Variants in NRG3 observed in about 807,000 individuals in gnomAD.
NRG3 encodes the protein neuregulin 3, also known as pro-neuregulin-3, membrane-bound isoform.
Under a neutral mutation model 66.9 loss-of-function variants are expected in NRG3, and 31 were observed. That is an observed-to-expected ratio of 0.46 (90% CI 0.35 to 0.63). The LOEUF (loss-of-function observed/expected upper bound fraction) is 0.63, where lower values mean the gene tolerates loss of function less well. Among genes scored for constraint, NRG3 ranks in the 20% least tolerant of loss-of-function variants. NRG3 has a pLI of 0.00. For synonymous variants in NRG3, 393 were observed against 359.4 expected (o/e 1.09, Z -1.06); for missense variants, 910 against 878.9 (o/e 1.04, Z -0.45).
rs1164128032 is a variant in NRG3 at position 82,648,228 on chromosome 10, G to A, written c.954-90349G>A. ...AGTTTCAGCTTTCTACATATGGCTA[G>A]CCAGTTTTCCCAGCACCATTTATTA... On this transcript the variant is annotated intron_variant, in intron 2 of 8. Coordinates refer to ENST00000372141, the MANE Select transcript of NRG3 (RefSeq NM_001010848.4). Among the ~76,000 whole-genome samples the A allele has an allele frequency of 2.0e-5, 3 of 152,102 alleles. No homozygotes were observed. In the East Asian group the frequency reaches 5.8e-4, roughly 29 times the overall value.
At chr10:82,173,674 A>AACACACACACACACACACAC (rs3037392) in intron 1 of NRG3, among the ~76,000 whole-genome samples, 72 of 146,618 alleles carry the variant, frequency 4.9e-4, no homozygotes, top group Non-Finnish European at 8.3e-4. Context: ...TGCATATGTG[A>AACACACACACACACACACAC]ACACACACAC....
chr10:82,212,047 A>G (rs1048942663), intron 1 of NRG3, among the ~76,000 whole-genome samples: 1 of 152,126 alleles, frequency 6.6e-6, no homozygotes, highest in African/African-American at 2.4e-5. Context: ...ACCTCCCTAC[A>G]TTTACGAGTT....
chr10:82,478,028 A>C (rs2132117243), intron 2 of NRG3, among the ~76,000 whole-genome samples: 1 of 152,270 alleles, frequency 6.6e-6, no homozygotes, highest in African/African-American at 2.4e-5. Context: ...CTGGGATTTG[A>C]AGAATACATT....
chr10:82,200,474 A>G (rs916613775), intron 1 of NRG3, among the ~76,000 whole-genome samples: 3 of 152,326 alleles, frequency 2.0e-5, no homozygotes, highest in African/African-American at 7.2e-5. Context: ...GACTAGGATG[A>G]GGACCATGTG....
At chr10:82,177,780 A>C (rs2073140353) in intron 1 of NRG3, among the ~76,000 whole-genome samples, 1 of 152,164 alleles carries the variant, frequency 6.6e-6, no homozygotes, top group South Asian at 2.1e-4. Context: ...CTTGTTATTA[A>C]ACATGAACAA....
intron 1 of NRG3, among the ~76,000 whole-genome samples, chr10:81,880,586 C>T (rs1477399460): frequency 6.6e-6 from 1 of 152,130 alleles, no homozygotes; most frequent in African/African-American, 2.4e-5. Context: ...CCCTTCCTCC[C>T]CTTTGTACAC....
intron 2 of NRG3, among the ~76,000 whole-genome samples, chr10:82,509,969 A>G (rs1352236259): frequency 6.6e-6 from 1 of 152,080 alleles, no homozygotes; most frequent in Non-Finnish European, 1.5e-5. Context: ...TTTCTCGCAG[A>G]CAAGGTTACT....
At chr10:82,802,664 A>T (rs903202979) in intron 3 of NRG3, among the ~76,000 whole-genome samples, 1 of 151,586 alleles carries the variant, frequency 6.6e-6, no homozygotes, top group Non-Finnish European at 1.5e-5. Context: ...TTTTTTTTAA[A>T]TTTTTTGAGA....
At chr10:82,959,806 C>T (rs1850434118) in intron 6 of NRG3, among the ~76,000 whole-genome samples, 1 of 152,206 alleles carries the variant, frequency 6.6e-6, no homozygotes, top group South Asian at 2.1e-4. Flanking sequence ...TAAATGCAAA[C>T]TCTTTGCCTC....
At chr10:82,037,339 T>A (rs11192244) in intron 1 of NRG3, among the ~76,000 whole-genome samples, 88 of 152,220 alleles carry the variant, frequency 5.8e-4, no homozygotes, top group Non-Finnish European at 1.1e-3. Context: ...CAGGGCAGAA[T>A]GTGGAGCTCA....
At chr10:82,097,387 C>CACACAT (rs2066412515) in intron 1 of NRG3, among the ~76,000 whole-genome samples, 1 of 146,766 alleles carries the variant, frequency 6.8e-6, no homozygotes, top group African/African-American at 2.5e-5. Flanking sequence ...CACACACACA[C>CACACAT]ACACACACAC....
At chr10:82,518,205 T>C (rs890320790) in intron 2 of NRG3, among the ~76,000 whole-genome samples, 1 of 152,198 alleles carries the variant, frequency 6.6e-6, no homozygotes, top group African/African-American at 2.4e-5. Flanking sequence ...AATTATCCAA[T>C]TGTGTTTTAA....
chr10:82,308,959 A>G (rs531808054), intron 1 of NRG3, among the ~76,000 whole-genome samples: 10 of 152,346 alleles, frequency 6.6e-5, no homozygotes, highest in Middle Eastern at 3.4e-3. Context: ...AGCCTAAGGT[A>G]TAAACAAGAC....
At chr10:82,015,285 A>G (rs182113569) in intron 1 of NRG3, among the ~76,000 whole-genome samples, 26 of 152,306 alleles carry the variant, frequency 1.7e-4, no homozygotes, top group Middle Eastern at 3.4e-3. Flanking sequence ...CCTTTGGAAC[A>G]TGTAATGTAT....
Position 81,923,018 on chromosome 10 carries a change from G to A in NRG3, c.823+46855G>A, listed in dbSNP as rs190997821. On this transcript the variant is annotated intron_variant, in intron 1 of 8. Coordinates refer to ENST00000372141, the MANE Select transcript of NRG3 (RefSeq NM_001010848.4). ...CACCTGCAAAATGTTTTCAGTGGTG[G>A]TTACAGATTTTCTAATGCCTCTAGT... Among the ~76,000 whole-genome samples the A allele has an allele frequency of 1.2e-3, 176 of 152,218 alleles. 1 individual carries two copies. The highest frequency in any genetic ancestry group is 0.01 in the Middle Eastern group (3 of 292).
chr10:82,320,056 GT>G (rs2081486248), intron 1 of NRG3, among the ~76,000 whole-genome samples: 1 of 152,144 alleles, frequency 6.6e-6, no homozygotes, highest in Non-Finnish European at 1.5e-5. Context: ...CTGATATTTC[GT>G]GTGTCATCTA....
chr10:82,346,019 A>G lies in NRG3; in HGVS notation c.824-12720A>G, dbSNP rs2082998152. On this transcript the variant is annotated intron_variant, in intron 1 of 8. Transcript: ENST00000372141. ...ATCATGTCATCTGCAAACAGGGACA[A>G]TTTGATTTCCTCTTTTCCTAATTGA... 2.0e-5 allele frequency among the ~76,000 whole-genome samples: 3 copies of G among 152,036 alleles called. 1 individual carries two copies. In the South Asian group the frequency reaches 6.2e-4, roughly 31 times the overall value.
rs147460049 is a variant in NRG3 at position 82,487,092 on chromosome 10, A to G, written c.953+128224A>G. 3.5e-3 allele frequency among the ~76,000 whole-genome samples: 512 copies of G among 148,184 alleles called. 2 individuals carry two copies. The highest frequency in any genetic ancestry group is 5.9e-3 in the Non-Finnish European group (394 of 67,272). ...TATATGTATATATAATACACTATATATATCTATTATATAGATATATCTATT... is the reference window on the plus strand; with the variant it reads ...TATATGTATATATAATACACTATATGTATCTATTATATAGATATATCTATT... On this transcript the variant is annotated intron_variant, in intron 2 of 8. Transcript: ENST00000372141.
At chr10:82,377,624 C>T (rs1209725654) in intron 2 of NRG3, among the ~76,000 whole-genome samples, 2 of 151,992 alleles carry the variant, frequency 1.3e-5, no homozygotes, top group East Asian at 3.9e-4. Flanking sequence ...AGATCAATGG[C>T]AGGAAGGGAC....
Sources: gnomAD v4.1 joint callset for allele counts (sites outside exome capture counted in the v4.1 genomes callset) on GRCh38, gnomAD v4.1.1 for gene constraint, MANE v1.5 for transcripts, NCBI Gene and HGNC (gene_info 2026-07-23, HGNC 2026-07-21) for gene names.